SLCO2A1: variants seen among roughly 807,000 people sequenced by gnomAD.
SLCO2A1 encodes the protein solute carrier organic anion transporter family member 2A1, also known as matrin F/G 1.
SLCO2A1 carries 60 observed loss-of-function variants against 71.7 expected under a neutral mutation model. The observed-to-expected ratio is 0.84, with a 90% CI of 0.68 to 1.04. The LOEUF is 1.04. SLCO2A1 is among the 50% of genes least tolerant of loss of function. The pLI, the probability that SLCO2A1 is intolerant of heterozygous loss-of-function variation, is 0.00. For synonymous variants in SLCO2A1, 308 were observed against 326.7 expected (o/e 0.94, Z 0.62); for missense variants, 745 against 813.4 (o/e 0.92, Z 1.02).
intron 1 of SLCO2A1, among the ~76,000 whole-genome samples, chr3:133,998,360 T>G (rs973773775): frequency 5.3e-5 from 8 of 152,240 alleles, no homozygotes; most frequent in Non-Finnish European, 1.2e-4. Context: ...GAGACAGATG[T>G]GGGGACAGCC....
chr3:133,976,561 C>T (rs1934454348), intron 2 of SLCO2A1, among the ~76,000 whole-genome samples: 1 of 151,862 alleles, frequency 6.6e-6, no homozygotes, highest in Non-Finnish European at 1.5e-5. Flanking sequence ...GCCACAGAGT[C>T]CCTTTGAAAA....
chr3:133,953,815 G>A, intron 4 of SLCO2A1, 54 bp from the exon 5 acceptor site: 2 of 1,446,588 alleles, frequency 1.4e-6, no homozygotes, highest in Non-Finnish European at 1.9e-6. Context: ...GAGTTTGGCA[G>A]CCTTGGGCTC....
intron 3 of SLCO2A1, among the ~76,000 whole-genome samples, chr3:133,958,862 G>C (rs1448243990): frequency 2.0e-5 from 3 of 152,182 alleles, no homozygotes; most frequent in African/African-American, 4.8e-5. Flanking sequence ...AAAACCTCAG[G>C]TTGTTGTCAT....
chr3:133,973,848 G>A, intron 2 of SLCO2A1, 23 bp from the exon 3 acceptor site: 1 of 1,604,606 alleles, frequency 6.2e-7, no homozygotes, highest in African/African-American at 1.3e-5. Context: ...CAGAAGGGCT[G>A]AGTGAGACAA....
At chr3:133,937,040 A>T (rs1933286640) in intron 12 of SLCO2A1, among the ~76,000 whole-genome samples, 1 of 152,102 alleles carries the variant, frequency 6.6e-6, no homozygotes, top group Non-Finnish European at 1.5e-5. Flanking sequence ...GTGGTCCCAC[A>T]TTGAGTTATC....
At chr3:134,006,060 CT>C (rs1280217930) in intron 1 of SLCO2A1, among the ~76,000 whole-genome samples, 2 of 151,828 alleles carry the variant, frequency 1.3e-5, no homozygotes, top group African/African-American at 4.8e-5. Context: ...CCATCTTACC[CT>C]TTTTTATTAA....
chr3:133,949,709 T>C (rs984853147), intron 6 of SLCO2A1, among the ~76,000 whole-genome samples: 4 of 152,250 alleles, frequency 2.6e-5, no homozygotes, highest in African/African-American at 9.6e-5. Flanking sequence ...CTTTGTCTCA[T>C]TCCTCACAAC....
chr3:133,965,128 GA>G (rs966609829), intron 3 of SLCO2A1, among the ~76,000 whole-genome samples: 87 of 150,848 alleles, frequency 5.8e-4, no homozygotes, highest in African/African-American at 1.0e-3. Flanking sequence ...TTTAAAGGGG[GA>G]AAAAAAAACC....
intron 2 of SLCO2A1, among the ~76,000 whole-genome samples, chr3:133,977,068 G>A (rs146136134): frequency 1.3e-5 from 2 of 152,082 alleles, no homozygotes; most frequent in Non-Finnish European, 2.9e-5. Context: ...CTTGCACCAG[G>A]CCGGGCTCTC....
rs763731052 is a variant in SLCO2A1, at chr3:133,942,628, G to T, written c.1602C>A (p.Asn534Lys). The T allele has an allele frequency of 1.9e-6, 3 of 1,613,686 alleles. No homozygotes were observed. The highest frequency in any genetic ancestry group is 2.2e-5 in the East Asian group (1 of 44,840). Residue 534 changes from asparagine (N) to lysine (K), a missense_variant, in exon 11 of 14, where the codon AAC (asparagine) becomes AAA (lysine). Transcript: ENST00000310926. The stretch of plus-strand genomic sequence containing the variant: ...ACCGCAGAACCATCATGTAGAGGGG[G>T]TTGTGGGAGATGCAGGCTATCAGGG... ...FVSLIACISHNPLYMMVLRVV... is the reference protein window; with the variant it reads ...FVSLIACISHKPLYMMVLRVV...
chr3:133,952,173 G>T (rs1424497210), intron 5 of SLCO2A1, among the ~76,000 whole-genome samples: 1 of 152,210 alleles, frequency 6.6e-6, no homozygotes, highest in African/African-American at 2.4e-5. Flanking sequence ...CCAAGAGCCA[G>T]GAACCAATTC....
At chr3:134,005,093 C>G (rs548251832) in intron 1 of SLCO2A1, among the ~76,000 whole-genome samples, 49 of 152,302 alleles carry the variant, frequency 3.2e-4, no homozygotes, top group African/African-American at 1.2e-3. Flanking sequence ...GTAGGGCGAG[C>G]CCAGCTGGCA....
intron 1 of SLCO2A1, among the ~76,000 whole-genome samples, chr3:133,986,479 C>T (rs1242184118): frequency 1.3e-5 from 2 of 152,146 alleles, no homozygotes; most frequent in Non-Finnish European, 2.9e-5. Context: ...GGCAGAGAAA[C>T]CCCACAGAGG....
chr3:133,991,840 C>A (rs1328023596), intron 1 of SLCO2A1, among the ~76,000 whole-genome samples: 1 of 152,200 alleles, frequency 6.6e-6, no homozygotes, highest in Non-Finnish European at 1.5e-5. Flanking sequence ...TTACTGCCCA[C>A]AAAGTTGACC....
chr3:133,956,757 C>T (rs900511009), intron 3 of SLCO2A1, among the ~76,000 whole-genome samples: 2 of 152,116 alleles, frequency 1.3e-5, no homozygotes, highest in African/African-American at 4.8e-5. Context: ...ACAGCTGGAA[C>T]AGCTTGTTAG....
At chr3:134,020,686 T>C (rs767730028) in intron 1 of SLCO2A1, among the ~76,000 whole-genome samples, 2 of 145,026 alleles carry the variant, frequency 1.4e-5, no homozygotes, top group Non-Finnish European at 3.0e-5. Context: ...ACTTTGGTTT[T>C]GGTTTTGGTT....
chr3:134,000,301 C>G (rs967815192), intron 1 of SLCO2A1, among the ~76,000 whole-genome samples: 1 of 152,018 alleles, frequency 6.6e-6, no homozygotes, highest in Admixed American at 6.5e-5. Context: ...GCCAGGGACA[C>G]GGGTCTGAGT....
intron 1 of SLCO2A1, among the ~76,000 whole-genome samples, chr3:134,026,348 T>G (rs1935700959): frequency 6.6e-6 from 1 of 151,324 alleles, no homozygotes; most frequent in Non-Finnish European, 1.5e-5. Context: ...CCCACTGGAT[T>G]ATACTAGATA....
At chr3:133,986,561 G>A (rs1424776199) in intron 1 of SLCO2A1, among the ~76,000 whole-genome samples, 1 of 152,246 alleles carries the variant, frequency 6.6e-6, no homozygotes, top group Admixed American at 6.5e-5. Context: ...CCATGCTCAT[G>A]ACGGCCTCAT....
Sources: gnomAD v4.1 joint callset for allele counts (sites outside exome capture counted in the v4.1 genomes callset) on GRCh38, gnomAD v4.1.1 for gene constraint, MANE v1.5 for transcripts, NCBI Gene and HGNC (gene_info 2026-07-23, HGNC 2026-07-21) for gene names.